SH3GL3: variants seen among roughly 807,000 people sequenced by gnomAD.
SH3GL3 encodes the protein endophilin-A3.
SH3GL3 carries 33 observed loss-of-function variants against 47.7 expected under a neutral mutation model. That is an observed-to-expected ratio of 0.69 (90% CI 0.52 to 0.92). The LOEUF (loss-of-function observed/expected upper bound fraction) is 0.92, where lower values mean the gene tolerates loss of function less well. SH3GL3 is among the 40% of genes least tolerant of loss of function. The probability of loss-of-function intolerance (pLI) is 0.00; values close to 1 mark genes in which losing one functional copy is unlikely to be tolerated. For synonymous variants in SH3GL3, 155 were observed against 148.8 expected, an observed-to-expected ratio of 1.04 and a Z score of -0.30; for missense variants, 363 against 417.8, an observed-to-expected ratio of 0.87 and a Z score of 1.14.
At chr15:83,596,679 A>C (rs551659234) in intron 8 of SH3GL3, among the ~76,000 whole-genome samples, 1 of 152,138 alleles carries the variant, frequency 6.6e-6, no homozygotes, top group Non-Finnish European at 1.5e-5. Flanking sequence ...CATGTTGCTC[A>C]GGCTGGTCTC....
chr15:83,628,811 G>A, the SH3GL3 span, among the ~76,000 whole-genome samples: 2 of 151,942 alleles, frequency 1.3e-5, no homozygotes, highest in South Asian at 4.2e-4. Flanking sequence ...GAAAACAAGA[G>A]AGAATATGTA....
intron 6 of SH3GL3, among the ~76,000 whole-genome samples, chr15:83,586,637 G>A (rs1263359435): frequency 6.6e-6 from 1 of 152,162 alleles, no homozygotes; most frequent in South Asian, 2.1e-4. Flanking sequence ...TGTTGGCTTC[G>A]TTTGTAACTG....
At chr15:83,496,712 TG>T (rs922532258) in intron 1 of SH3GL3, among the ~76,000 whole-genome samples, 3 of 152,190 alleles carry the variant, frequency 2.0e-5, no homozygotes, top group African/African-American at 7.2e-5. Context: ...TGGAAAGTTG[TG>T]CTGTAGTAGC....
At chr15:83,619,480 C>G (rs149949529), downstream of SH3GL3, among the ~76,000 whole-genome samples, 1 of 152,002 alleles carries the variant, frequency 6.6e-6, no homozygotes, top group Non-Finnish European at 1.5e-5. Flanking sequence ...AATACCTAGG[C>G]GATGGGTTGG....
intron 1 of SH3GL3, among the ~76,000 whole-genome samples, chr15:83,472,190 C>T (rs2040862710): frequency 6.6e-6 from 1 of 152,162 alleles, no homozygotes; most frequent in South Asian, 2.1e-4. Flanking sequence ...GGCTGGATTT[C>T]TTGCTTTATC....
chr15:83,453,644 G>A (rs565866651), intron 1 of SH3GL3, among the ~76,000 whole-genome samples: 17 of 145,242 alleles, frequency 1.2e-4, no homozygotes, highest in African/African-American at 3.3e-4. Context: ...CTGTGGGATC[G>A]GTGGTGATAT....
intron 1 of SH3GL3, among the ~76,000 whole-genome samples, chr15:83,475,638 T>A (rs1208272043): frequency 6.6e-6 from 1 of 152,258 alleles, no homozygotes; most frequent in Non-Finnish European, 1.5e-5. Context: ...ACCTGTTGTA[T>A]TGAAATTATT....
intron 2 of SH3GL3, among the ~76,000 whole-genome samples, chr15:83,563,562 T>C (rs781680911): frequency 2.2e-4 from 33 of 152,238 alleles, no homozygotes; most frequent in Non-Finnish European, 4.0e-4. Context: ...ATCTGGAGAA[T>C]GTAAAGCATC....
chr15:83,530,317 T>A (rs923084597), intron 1 of SH3GL3, among the ~76,000 whole-genome samples: 1 of 152,140 alleles, frequency 6.6e-6, no homozygotes, highest in Non-Finnish European at 1.5e-5. Flanking sequence ...ATGGCTAAGA[T>A]GACAGGAGTC....
At chr15:83,613,314 C>A (rs114627173) in intron 8 of SH3GL3, among the ~76,000 whole-genome samples, 1 of 152,128 alleles carries the variant, frequency 6.6e-6, no homozygotes. Context: ...GAGAGATGCC[C>A]TGCCTTGGGT....
chr15:83,625,598 C>T, the SH3GL3 span, among the ~76,000 whole-genome samples: 1 of 152,082 alleles, frequency 6.6e-6, no homozygotes, highest in Non-Finnish European at 1.5e-5. Flanking sequence ...AGCATTTTTT[C>T]CCTCTGTTCT....
rs372099647 is a variant in SH3GL3, at chr15:83,572,556, C to G, written c.332-9C>G. 5 of 1,606,064 alleles carry G rather than the reference C, an allele frequency of 3.1e-6. No individual in the cohort carries two copies. In the African/African-American group the frequency reaches 5.4e-5, roughly 17 times the overall value. ...AAAGAACCTTTTGTATTTATGTTTT[C>G]TATTCAAGGCAATGCATTGATAGAA... On this transcript the variant is annotated splice_polypyrimidine_tract_variant and intron_variant, in intron 4 of 8. Transcript: ENST00000427482.
intron 1 of SH3GL3, among the ~76,000 whole-genome samples, chr15:83,474,936 A>G (rs897096070): frequency 1.3e-5 from 2 of 151,978 alleles, no homozygotes; most frequent in African/African-American, 4.8e-5. Flanking sequence ...GGCTGAGCAA[A>G]GGCTGGCAAG....
chr15:83,619,763 G>T (rs1318540108), downstream of SH3GL3, among the ~76,000 whole-genome samples: 1 of 152,180 alleles, frequency 6.6e-6, no homozygotes, highest in East Asian at 1.9e-4. Flanking sequence ...TGATCAGGGT[G>T]GGGTTGCTGA....
chr15:83,565,224 T>G lies in SH3GL3; in HGVS notation c.187+18T>G. Reference sequence around the variant, plus strand: ...AAATCCAGGTAAAGTTGAAATATTCTCTTGTTCATTTGCTGTCACAGACTC... The same window carrying G: ...AAATCCAGGTAAAGTTGAAATATTCGCTTGTTCATTTGCTGTCACAGACTC... On this transcript the variant is annotated intron_variant, in intron 3 of 8. Transcript: ENST00000427482. 1 of 1,411,240 alleles carries G rather than the reference T, an allele frequency of 7.1e-7. No homozygotes were observed. Among genetic ancestry groups the G allele is most frequent in the Non-Finnish European group, 1.0e-6 (1 of 997,200 alleles). The allele number at this position is 1,411,240 out of a possible 1,614,324, so 87.4% of individuals were successfully genotyped here.
intron 1 of SH3GL3, among the ~76,000 whole-genome samples, chr15:83,452,481 C>G (rs1236446854): frequency 1.2e-4 from 1 of 8,598 alleles, no homozygotes; most frequent in Non-Finnish European, 2.1e-4. Flanking sequence ...CTTTTATTTC[C>G]TTGAGCAGTG....
At chr15:83,596,968 T>A (rs2151822641) in intron 8 of SH3GL3, among the ~76,000 whole-genome samples, 1 of 152,284 alleles carries the variant, frequency 6.6e-6, no homozygotes, top group East Asian at 1.9e-4. Flanking sequence ...TATTCTTTGA[T>A]CCAGTTATTT....
chr15:83,587,764 ATAT>A (rs1000584582), intron 7 of SH3GL3, among the ~76,000 whole-genome samples: 19 of 152,210 alleles, frequency 1.2e-4, no homozygotes, highest in Non-Finnish European at 2.5e-4. Context: ...AAAATTAGTA[ATAT>A]TATATATAGT....
chr15:83,527,756 T>C (rs2043490172), intron 1 of SH3GL3, among the ~76,000 whole-genome samples: 1 of 152,194 alleles, frequency 6.6e-6, no homozygotes, highest in Admixed American at 6.5e-5. Context: ...TTTTGTTAAT[T>C]GTCATTTGGT....
Sources: gnomAD v4.1 joint callset for allele counts (sites outside exome capture counted in the v4.1 genomes callset) on GRCh38, gnomAD v4.1.1 for gene constraint, MANE v1.5 for transcripts, NCBI Gene and HGNC (gene_info 2026-07-23, HGNC 2026-07-21) for gene names.